TCF12: variants seen among roughly 807,000 people sequenced by gnomAD.
TCF12 encodes DNA-binding protein HTF4.
A neutral mutation model predicts 86.0 loss-of-function variants in TCF12; 45 were observed. The observed-to-expected ratio is 0.52, with a 90% CI of 0.41 to 0.67. TCF12 has a LOEUF of 0.67. Ranked by LOEUF, TCF12 falls within the 30% of genes least tolerant of loss-of-function variation. The pLI is 0.00. For synonymous variants in TCF12, 330 were observed against 299.6 expected, an observed-to-expected ratio of 1.10 and a Z score of -1.05; for missense variants, 881 against 859.9, an observed-to-expected ratio of 1.02 and a Z score of -0.31.
intron 12 of TCF12, among the ~76,000 whole-genome samples, chr15:57,236,225 G>A (rs891806469): frequency 2.6e-5 from 4 of 151,928 alleles, no homozygotes; most frequent in South Asian, 2.1e-4. Context: ...CTTCCCAGCC[G>A]GACACCTCCC....
intron 6 of TCF12, among the ~76,000 whole-genome samples, chr15:57,180,313 C>T (rs1325489898): frequency 6.6e-6 from 1 of 152,024 alleles, no homozygotes; most frequent in African/African-American, 2.4e-5. Context: ...ATCTCTGAAA[C>T]TTCAAATGGA....
At chr15:57,153,848 T>C (rs569118967) in intron 5 of TCF12, among the ~76,000 whole-genome samples, 3 of 151,540 alleles carry the variant, frequency 2.0e-5, no homozygotes, top group East Asian at 3.9e-4. Context: ...ATAGCAAGAC[T>C]CTGTCTCTCC....
In TCF12 at chr15:57,219,746, GA is replaced by G. The variant is rs544670908; in HGVS notation, c.580-11405del. On this transcript the variant is annotated intron_variant, in intron 8 of 20. Transcript: ENST00000333725. ...TTTTTTTTTTTTTTTTTTGCGGGGGGACGGAGTCTTGCCCTGTCACCCAGGA... is the reference window on the plus strand; with the variant it reads ...TTTTTTTTTTTTTTTTTTGCGGGGGGCGGAGTCTTGCCCTGTCACCCAGGA... Among the ~76,000 whole-genome samples the G allele has an allele frequency of 0.01, 1,541 of 148,698 alleles. 27 individuals are homozygous for G. Among genetic ancestry groups the G allele is most frequent in the African/African-American group, 0.036 (1,444 of 40,226 alleles).
chr15:57,243,220 T>G (rs1384218668), intron 12 of TCF12, among the ~76,000 whole-genome samples: 1 of 152,226 alleles, frequency 6.6e-6, no homozygotes, highest in African/African-American at 2.4e-5. Flanking sequence ...AACTTTAAGT[T>G]ATTTTCACCT....
chr15:57,282,111 T>C, intron 19 of TCF12: 1 of 344,914 alleles, frequency 2.9e-6, no homozygotes, highest in Non-Finnish European at 5.5e-6. Context: ...CAGTGTACCG[T>C]GTCTTAGTAG....
At chr15:56,975,853 G>T (rs1419606150) in intron 3 of TCF12, among the ~76,000 whole-genome samples, 3 of 151,486 alleles carry the variant, frequency 2.0e-5, no homozygotes, top group Non-Finnish European at 4.4e-5. Flanking sequence ...TTTTATATCT[G>T]AGGCAAGAAA....
At position 57,017,626 on chromosome 15, in the gene TCF12, T is replaced by C. The variant is rs567315274; in HGVS notation, c.149-46124T>C. On this transcript the variant is annotated intron_variant, in intron 3 of 20. Coordinates refer to ENST00000333725, the MANE Select transcript of TCF12 (RefSeq NM_207037.2). ...CAAAGTAGGTATATCAAAATAGGCA[T>C]ACAAAGATGTTCAGTGCAGAATTAT... Among the ~76,000 whole-genome samples the C allele has an allele frequency of 2.0e-4, 31 of 152,054 alleles. 1 individual carries two copies. The South Asian group carries it at 6.4e-3, about 32-fold the overall frequency.
intron 7 of TCF12, among the ~76,000 whole-genome samples, chr15:57,195,479 A>G (rs2057211418): frequency 6.6e-6 from 1 of 152,328 alleles, no homozygotes; most frequent in East Asian, 1.9e-4. Context: ...GGAATGCTGT[A>G]TTAGTTGTGA....
chr15:57,221,324 TC>T (rs2058578198), intron 8 of TCF12, among the ~76,000 whole-genome samples: 1 of 151,994 alleles, frequency 6.6e-6, no homozygotes, highest in Non-Finnish European at 1.5e-5. Context: ...AAAATAATTT[TC>T]TTTTGTGTCT....
At chr15:57,138,616 G>A (rs1269108304) in intron 5 of TCF12, among the ~76,000 whole-genome samples, 1 of 152,226 alleles carries the variant, frequency 6.6e-6, no homozygotes. Context: ...CTAACAGCCA[G>A]TTGTAGGAAC....
chr15:57,242,565 G>C (rs2059681872), intron 12 of TCF12, among the ~76,000 whole-genome samples: 2 of 152,168 alleles, frequency 1.3e-5, no homozygotes. Flanking sequence ...TACTAGGGAA[G>C]CTGAGACAAG....
intron 5 of TCF12, among the ~76,000 whole-genome samples, chr15:57,117,535 T>A (rs1458455486): frequency 6.6e-6 from 1 of 152,242 alleles, no homozygotes; most frequent in East Asian, 1.9e-4. Flanking sequence ...CCTACAAGTA[T>A]GATCTGGGTT....
At chr15:57,121,004 A>G (rs2051192465) in intron 5 of TCF12, among the ~76,000 whole-genome samples, 2 of 151,810 alleles carry the variant, frequency 1.3e-5, no homozygotes, top group Admixed American at 6.6e-5. Context: ...AGGAAAGGAA[A>G]ATGCCTGTTG....
At chr15:57,104,967 G>A (rs554138694) in intron 5 of TCF12, among the ~76,000 whole-genome samples, 8 of 139,522 alleles carry the variant, frequency 5.7e-5, no homozygotes, top group East Asian at 4.9e-4. Context: ...CCTGCCTCCC[G>A]GGTTCAAGCA....
Position 57,273,277 on chromosome 15 carries a change from C to G in TCF12, c.1978+15C>G. 1 of 1,611,708 alleles carries G rather than the reference C, an allele frequency of 6.2e-7. No homozygotes were observed. Among genetic ancestry groups the G allele is most frequent in the Non-Finnish European group, 8.5e-7 (1 of 1,177,990 alleles). On this transcript the variant is annotated intron_variant, in intron 19 of 20. Coordinates refer to ENST00000333725, the MANE Select transcript of TCF12 (RefSeq NM_207037.2). ...GCAAGTCAGAGGTAAGTAGGTTCAG[C>G]CGAGATGTATAACTGTTCTGCTTCA... is the stretch of plus-strand genomic sequence containing the variant.
intron 5 of TCF12, chr15:57,118,330 G>A (rs2050985535): frequency 6.6e-6 from 1 of 152,366 alleles, no homozygotes; most frequent in African/African-American, 2.4e-5. Flanking sequence ...GTTAACCCAT[G>A]TTAAAGAATC....
At chr15:57,146,476 G>C (rs2053371971) in intron 5 of TCF12, among the ~76,000 whole-genome samples, 1 of 152,062 alleles carries the variant, frequency 6.6e-6, no homozygotes, top group African/African-American at 2.4e-5. Flanking sequence ...TGTCTTAGGA[G>C]AGTTATCAAG....
At chr15:57,222,566 G>C (rs1344561007) in intron 8 of TCF12, among the ~76,000 whole-genome samples, 1 of 151,550 alleles carries the variant, frequency 6.6e-6, no homozygotes, top group African/African-American at 2.4e-5. Flanking sequence ...AAACTATTTT[G>C]CACCTTATAC....
At chr15:57,199,083 G>A (rs1403556579) in intron 8 of TCF12, among the ~76,000 whole-genome samples, 1 of 152,156 alleles carries the variant, frequency 6.6e-6, no homozygotes, top group Non-Finnish European at 1.5e-5. Flanking sequence ...TGGAAGGTTG[G>A]CTTGCAGCTG....
Sources: allele counts gnomAD v4.1 joint callset (sites outside exome capture counted in the v4.1 genomes callset), GRCh38; gene constraint gnomAD v4.1.1; transcripts MANE v1.5; gene names NCBI Gene and HGNC (gene_info 2026-07-23, HGNC 2026-07-21).